The following ROS1 variants were observed in gnomAD, a reference collection of about 807,000 sequenced individuals.
ROS1 encodes proto-oncogene tyrosine-protein kinase ROS.
A neutral mutation model predicts 273.5 loss-of-function variants in ROS1; 263 were observed. That is an observed-to-expected ratio of 0.96 (90% CI 0.87 to 1.06). The LOEUF (loss-of-function observed/expected upper bound fraction) is 1.06. Ranked by LOEUF, ROS1 falls within the 50% of genes least tolerant of loss-of-function variation. The probability of loss-of-function intolerance (pLI) is 0.00; values close to 1 mark genes in which losing one functional copy is unlikely to be tolerated. For synonymous variants in ROS1, 1,008 were observed against 954.1 expected (o/e 1.06, Z -1.04); for missense variants, 2,833 against 2,751.1 (o/e 1.03, Z -0.67).
intron 1 of ROS1, among the ~76,000 whole-genome samples, chr6:117,425,007 A>G (rs1018416516): frequency 6.6e-6 from 1 of 152,218 alleles, no homozygotes; most frequent in Admixed American, 6.5e-5. Context: ...TGAAAGCATG[A>G]ATTTCCATAT....
intron 5 of ROS1, 124 bp downstream of exon 5, chr6:117,409,458 T>C (rs1774716170): frequency 1.4e-6 from 1 of 715,574 alleles, no homozygotes; most frequent in Non-Finnish European, 2.5e-6. Flanking sequence ...TCTAAATAGA[T>C]ATTTTTGATC....
intron 31 of ROS1, 95 bp from the exon 32 acceptor site, chr6:117,337,435 T>G: frequency 1.1e-6 from 1 of 895,376 alleles, no homozygotes; most frequent in Non-Finnish European, 1.7e-6. Context: ...GGTTAAAATT[T>G]AAGCATTCTT....
chr6:117,389,190 A>C (rs1372199213), intron 13 of ROS1, among the ~76,000 whole-genome samples, 160 bp downstream of exon 13: 1 of 152,268 alleles, frequency 6.6e-6, no homozygotes, highest in African/African-American at 2.4e-5. Context: ...TAATAAATGC[A>C]GAACAAATGT....
chr6:117,334,033 T>C (rs1284610005), intron 32 of ROS1, among the ~76,000 whole-genome samples: 3 of 152,124 alleles, frequency 2.0e-5, no homozygotes, highest in African/African-American at 7.2e-5. Context: ...GGTATTCAAA[T>C]AGGAAGAGAG....
chr6:117,289,294 T>C (rs1047028420), intron 43 of ROS1, among the ~76,000 whole-genome samples: 4 of 152,256 alleles, frequency 2.6e-5, no homozygotes, highest in African/African-American at 9.6e-5. Context: ...ATGTAATATT[T>C]ACTGATGACT....
At chr6:117,394,923 G>T (rs1250923548) in intron 9 of ROS1, among the ~76,000 whole-genome samples, 185 bp from the exon 10 acceptor site, 1 of 152,186 alleles carries the variant, frequency 6.6e-6, no homozygotes, top group African/African-American at 2.4e-5. Flanking sequence ...ATGATTGGAG[G>T]TAGGAAGTAC....
chr6:117,393,146 T>C (rs747133495), intron 12 of ROS1, 78 bp downstream of exon 12: 8 of 886,082 alleles, frequency 9.0e-6, no homozygotes, highest in South Asian at 2.7e-5. Context: ...TACTACAATG[T>C]TTCATTAGCA....
intron 18 of ROS1, among the ~76,000 whole-genome samples, chr6:117,372,144 T>C (rs748972578): frequency 1.3e-5 from 2 of 152,150 alleles, no homozygotes; most frequent in Admixed American, 6.5e-5. Context: ...AACATTACAC[T>C]GAATAGAGAA....
intron 7 of ROS1, among the ~76,000 whole-genome samples, chr6:117,402,040 T>G (rs1773989011): frequency 6.6e-6 from 1 of 152,156 alleles, no homozygotes; most frequent in African/African-American, 2.4e-5. Flanking sequence ...TCATTCTCCA[T>G]ACAGCAGCCA....
At chr6:117,316,724 AC>A (rs1313267890) in intron 39 of ROS1, among the ~76,000 whole-genome samples, 3 of 152,128 alleles carry the variant, frequency 2.0e-5, no homozygotes, top group Non-Finnish European at 4.4e-5. Flanking sequence ...TGTTTGAGAT[AC>A]CTACTAAAAT....
chr6:117,425,742 T>C lies in ROS1; in HGVS notation c.-86A>G. On this transcript the variant is annotated 5_prime_UTR_variant, in exon 1 of 44. Coordinates refer to ENST00000368507, the MANE Select transcript of ROS1 (RefSeq NM_001378902.1). ...ATTATTTGGGCTTCATCACTTCAAT[T>C]GGAGGAGTAGCTGATGGATTTTGCT... The C allele has an allele frequency of 7.1e-7, 1 of 1,413,454 alleles. No individual in the cohort carries two copies. The highest frequency in any genetic ancestry group is 1.2e-5 in the South Asian group (1 of 81,402). The allele number at this position is 1,413,454 out of a possible 1,614,324, so 87.6% of individuals were successfully genotyped here.
intron 33 of ROS1, among the ~76,000 whole-genome samples, chr6:117,326,982 C>T (rs1196955428): frequency 6.6e-6 from 1 of 152,120 alleles, no homozygotes; most frequent in African/African-American, 2.4e-5. Context: ...GGAAGGAGCA[C>T]AAGGGCTGGG....
intron 26 of ROS1, among the ~76,000 whole-genome samples, chr6:117,354,086 C>T (rs937684992): frequency 1.3e-5 from 2 of 152,146 alleles, no homozygotes; most frequent in African/African-American, 4.8e-5. Flanking sequence ...CATGGTGGCT[C>T]ACGCCTGTAA....
In ROS1 at chr6:117,390,485, A is replaced by G. The variant is rs182049075; in HGVS notation, c.1290-639T>C. 1.8e-4 allele frequency among the ~76,000 whole-genome samples: 28 copies of G among 152,330 alleles called. No individual in the cohort carries two copies. In the East Asian group the frequency reaches 5.0e-3, roughly 27 times the overall value. On this transcript the variant is annotated intron_variant, in intron 12 of 43. Coordinates refer to ENST00000368507, the MANE Select transcript of ROS1 (RefSeq NM_001378902.1). ...TACTATATAGAAATCACATGGCTAA[A>G]TATGGTATTTACTATCAAACATTTT...
At chr6:117,373,225 C>T (rs568722368) in intron 18 of ROS1, among the ~76,000 whole-genome samples, 16 of 152,360 alleles carry the variant, frequency 1.1e-4, no homozygotes, top group East Asian at 1.9e-4. Context: ...CATCTGGCTT[C>T]GCCTAGTGGA....
At chr6:117,398,693 A>AAAAAAAAAAAAAAAAAAAAAAAAAAAC (rs1554252569) in intron 7 of ROS1, among the ~76,000 whole-genome samples, 1 of 141,214 alleles carries the variant, frequency 7.1e-6, no homozygotes, top group Non-Finnish European at 1.6e-5. Context: ...AAAAAAAAAA[A>AAAAAAAAAAAAAAAAAAAAAAAAAAAC]AAAACTCGCG....
chr6:117,407,729 G>A (rs1774533910), intron 5 of ROS1, among the ~76,000 whole-genome samples: 1 of 152,040 alleles, frequency 6.6e-6, no homozygotes, highest in Non-Finnish European at 1.5e-5. Context: ...AAGTTCACAT[G>A]GAACCAAAAA....
At chr6:117,390,281 C>G (rs1031487681) in intron 12 of ROS1, among the ~76,000 whole-genome samples, 2 of 152,048 alleles carry the variant, frequency 1.3e-5, no homozygotes, top group African/African-American at 4.8e-5. Context: ...GGCTTGCCAC[C>G]GTGCTCGGCT....
intron 32 of ROS1, among the ~76,000 whole-genome samples, chr6:117,333,875 T>G (rs1379276653): frequency 6.6e-6 from 1 of 152,092 alleles, no homozygotes; most frequent in Non-Finnish European, 1.5e-5. Flanking sequence ...ATGACAAACC[T>G]ACAGCCAATA....
Sources: gnomAD v4.1 joint callset for allele counts (sites outside exome capture counted in the v4.1 genomes callset) on GRCh38, gnomAD v4.1.1 for gene constraint, MANE v1.5 for transcripts, NCBI Gene and HGNC (gene_info 2026-07-23, HGNC 2026-07-21) for gene names.